The following ZKSCAN8 variants were observed in gnomAD, a reference collection of about 807,000 sequenced individuals.
ZKSCAN8 encodes zinc finger protein with KRAB and SCAN domains 8.
Under a neutral mutation model 57.2 loss-of-function variants are expected in ZKSCAN8, and 27 were observed. The ratio of observed to expected loss-of-function variants is 0.47; its 90% confidence interval spans 0.35 to 0.65. The LOEUF (loss-of-function observed/expected upper bound fraction) is 0.65. Among genes scored for constraint, ZKSCAN8 ranks in the 30% least tolerant of loss-of-function variants. ZKSCAN8 has a pLI of 0.01. For missense variants in ZKSCAN8, 597 were observed against 696.3 expected (o/e 0.86, Z 1.60); for synonymous variants, 214 against 248.7 (o/e 0.86, Z 1.31).
In ZKSCAN8 at chr6:28,158,882, T is replaced by C. The variant is rs1380594703; in HGVS notation, c.*4865T>C. 6.6e-6 allele frequency: 1 copy of C among 152,194 alleles called. No individual in the cohort carries two copies. Among genetic ancestry groups the C allele is most frequent in the East Asian group, 1.9e-4 (1 of 5,194 alleles). 9.4% of individuals were successfully genotyped at this position (152,194 alleles called of 1,614,324 possible). On this transcript the variant is annotated 3_prime_UTR_variant, in exon 6 of 6. Transcript: ENST00000330236. The stretch of plus-strand genomic sequence containing the variant: ...AACACCCATTTTTACAATATCTCTA[T>C]TGTAAAATTTCATTTTCACTAAGTA...
chr6:28,145,141 T>A (rs1302489641), intron 1 of ZKSCAN8, among the ~76,000 whole-genome samples: 1 of 152,168 alleles, frequency 6.6e-6, no homozygotes, highest in Non-Finnish European at 1.5e-5. Flanking sequence ...AAATAATTCT[T>A]TGTGGTGGGG....
chr6:28,149,500 T>C lies in ZKSCAN8; in HGVS notation c.435T>C (p.His145=). 6.2e-7 allele frequency: 1 copy of C among 1,614,014 alleles called. No individual in the cohort carries two copies. Among genetic ancestry groups the C allele is most frequent in the Non-Finnish European group, 8.5e-7 (1 of 1,179,942 alleles). The change falls in exon 3 of 6, where the codon CAT becomes CAC. Residue 145 remains histidine (H), a synonymous_variant. Coordinates refer to ENST00000330236, the MANE Select transcript of ZKSCAN8 (RefSeq NM_006298.4). ...GTTTCCAGGTCTCAGCTCGCGTACA[T>C]GGACATAGGGTACTCTGGGAGGAGG... is the stretch of plus-strand genomic sequence containing the variant. ...ILGRPVSARV[H]GHRVLWEEVV... is the part of the protein sequence containing the mutation.
Position 28,154,049 on chromosome 6 carries a change from C to A in ZKSCAN8, c.*32C>A. 1 of 1,547,956 alleles carries A rather than the reference C, an allele frequency of 6.5e-7. No individual in the cohort carries two copies. The highest frequency in any genetic ancestry group is 1.3e-5 in the South Asian group (1 of 79,120). On this transcript the variant is annotated 3_prime_UTR_variant, in exon 6 of 6. Transcript: ENST00000330236. ...CATCAGTTAGAGTTTGAGCATTATTCAGCATTAGGGAAACCACACACTGGT... is the reference window on the plus strand; with the variant it reads ...CATCAGTTAGAGTTTGAGCATTATTAAGCATTAGGGAAACCACACACTGGT...
In ZKSCAN8 at chr6:28,144,036, A is replaced by G. The variant is rs185073943; in HGVS notation, c.-93+2007A>G. Among the ~76,000 whole-genome samples, 5 of 152,288 alleles carry G rather than the reference A, an allele frequency of 3.3e-5. No individual in the cohort carries two copies. The highest frequency in any genetic ancestry group is 3.3e-4 in the Admixed American group (5 of 15,312). Reference sequence around the variant, plus strand: ...CCTGTAAAGTCATAATCAATGAACTATACCCCCAATGTTAATTGATATATT... The same window carrying G: ...CCTGTAAAGTCATAATCAATGAACTGTACCCCCAATGTTAATTGATATATT... On this transcript the variant is annotated intron_variant, in intron 1 of 5. Transcript: ENST00000330236. This position sits in a 1 kb window ranked among gnomAD's most constrained non-coding sequence, Gnocchi z 4.5.
rs1226912863 is a variant in ZKSCAN8, at chr6:28,154,128, A to C, written c.*111A>C. 1 of 1,457,236 alleles carries C rather than the reference A, an allele frequency of 6.9e-7. No homozygotes were observed. Among genetic ancestry groups the C allele is most frequent in the Non-Finnish European group, 9.1e-7 (1 of 1,098,060 alleles). 90.3% of individuals were successfully genotyped at this position (1,457,236 alleles called of 1,614,324 possible). Reference sequence around the variant, plus strand: ...GAAAGGTCATCACAACTTTAGTGTCAGAATCTATAGTGGTGGCAAAGTTAG... The same window carrying C: ...GAAAGGTCATCACAACTTTAGTGTCCGAATCTATAGTGGTGGCAAAGTTAG... On this transcript the variant is annotated 3_prime_UTR_variant, in exon 6 of 6. Transcript: ENST00000330236.
chr6:28,149,405 T>C (rs1765516492), intron 2 of ZKSCAN8, 78 bp from the exon 3 acceptor site: 2 of 1,560,580 alleles, frequency 1.3e-6, no homozygotes, highest in Admixed American at 1.8e-5. Context: ...TCCCTGTAGA[T>C]GTGTTCGTGG....
At position 28,144,930 on chromosome 6, in the gene ZKSCAN8, G is replaced by A. The variant is rs1402908615; in HGVS notation, c.-93+2901G>A. The stretch of plus-strand genomic sequence containing the variant: ...AAATTAGCCGGGTGTGGTGGAGGGC[G>A]CCTGTAGTCCCAGCTACTCGGGAGG... On this transcript the variant is annotated intron_variant, in intron 1 of 5. Transcript: ENST00000330236. This position sits in a 1 kb window ranked among gnomAD's most constrained non-coding sequence, Gnocchi z 4.5. Among the ~76,000 whole-genome samples the A allele has an allele frequency of 2.0e-5, 3 of 152,270 alleles. No homozygotes were observed. Among genetic ancestry groups the A allele is most frequent in the Admixed American group, 6.5e-5 (1 of 15,304 alleles).
chr6:28,142,916 A>C (rs1287945835), intron 1 of ZKSCAN8, among the ~76,000 whole-genome samples: 1 of 152,230 alleles, frequency 6.6e-6, no homozygotes, highest in Non-Finnish European at 1.5e-5. Flanking sequence ...ATCCTGGAAA[A>C]TGTCTTTTTT....
chr6:28,153,984 C>T lies in ZKSCAN8; in HGVS notation c.1704C>T (p.His568=), dbSNP rs1229732870. The change falls in exon 6 of 6, where the codon CAC becomes CAT. Residue 568 remains histidine, a synonymous_variant. Coordinates refer to ENST00000330236, the MANE Select transcript of ZKSCAN8 (RefSeq NM_006298.4). The part of the protein sequence containing the change: ...RSSLIRHQRI[H]SGEKSESISV ...GTCTCATTCGACATCAGAGAATCCA[C>T]AGTGGTGAAAAATCTGAATCCATAA... 6.2e-7 allele frequency: 1 copy of T among 1,606,402 alleles called. No individual in the cohort carries two copies. The highest frequency in any genetic ancestry group is 1.7e-5 in the Admixed American group (1 of 58,448).
At chr6:28,151,417 T>G (rs1421948751) in intron 3 of ZKSCAN8, among the ~76,000 whole-genome samples, 2 of 151,824 alleles carry the variant, frequency 1.3e-5, no homozygotes, top group East Asian at 1.9e-4. Context: ...CCGTTTAATA[T>G]CTATAGAAAG....
chr6:28,145,324 C>T (rs1178163688), intron 1 of ZKSCAN8, among the ~76,000 whole-genome samples: 1 of 152,058 alleles, frequency 6.6e-6, no homozygotes, highest in Non-Finnish European at 1.5e-5. Context: ...GTAAAGAACT[C>T]TGTAGTAGAA....
intron 1 of ZKSCAN8, 88 bp from the exon 2 acceptor site, chr6:28,148,228 G>A (rs1024035388): frequency 4.7e-5 from 28 of 598,622 alleles, no homozygotes; most frequent in East Asian, 9.0e-5. Context: ...CATGAAGTCC[G>A]TGTCATACTA....
chr6:28,148,885 C>T (rs1285300865), intron 2 of ZKSCAN8, 61 bp downstream of exon 2: 1 of 1,539,928 alleles, frequency 6.5e-7, no homozygotes, highest in South Asian at 1.2e-5. Flanking sequence ...GGTAGAGGGA[C>T]ATAGGCATCA....
intron 3 of ZKSCAN8, 38 bp from the exon 4 acceptor site, chr6:28,151,807 C>T: frequency 6.5e-7 from 1 of 1,544,668 alleles, no homozygotes; most frequent in South Asian, 1.1e-5. Context: ...AACCACAGGA[C>T]AGGACTGGTC....
chr6:28,151,942 T>TTG lies in ZKSCAN8; in HGVS notation c.651+9_651+10dup. The TTG allele has an allele frequency of 1.2e-6, 2 of 1,613,624 alleles. No homozygotes were observed. The highest frequency in any genetic ancestry group is 8.5e-7 in the Non-Finnish European group (1 of 1,179,578). On this transcript the variant is annotated splice_region_variant and intron_variant, in intron 4 of 5. Coordinates refer to ENST00000330236, the MANE Select transcript of ZKSCAN8 (RefSeq NM_006298.4). ...TTCTCACAGCAGGGTTCCAGGTGAG[T>TTG]TGTGCTCCTTCTCACTGAAACGCCA...
rs977670812 is a variant in ZKSCAN8, at chr6:28,144,969, A to AT, written c.-93+2941dup. ...CTACTCGGGAGGCCGAGGCAGGAGA[A>AT]TGGCGTGAACCCGGGAGGCGGAGGT... On this transcript the variant is annotated intron_variant, in intron 1 of 5. Coordinates refer to ENST00000330236, the MANE Select transcript of ZKSCAN8 (RefSeq NM_006298.4). This position sits in a 1 kb window ranked among gnomAD's most constrained non-coding sequence, Gnocchi z 4.5. Among the ~76,000 whole-genome samples, 2 of 152,220 alleles carry AT rather than the reference A, an allele frequency of 1.3e-5. No individual in the cohort carries two copies. The highest frequency in any genetic ancestry group is 4.8e-5 in the African/African-American group (2 of 41,458).
In ZKSCAN8 at chr6:28,158,721, T is replaced by G. The variant is rs963172822; in HGVS notation, c.*4704T>G. The G allele has an allele frequency of 3.9e-5, 6 of 152,114 alleles. No individual in the cohort carries two copies. The highest frequency in any genetic ancestry group is 1.4e-4 in the African/African-American group (6 of 41,422). The allele number at this position is 152,114 out of a possible 1,614,324, so 9.4% of individuals were successfully genotyped here. A position where few individuals can be genotyped will look rare whatever the true frequency, so the allele number is the denominator to read the frequency against. ...TGTAATTCTTTTTTTTCCAATTTCCTTGCTCCCAGGATCCCCATCTTGTAT... is the reference window on the plus strand; with the variant it reads ...TGTAATTCTTTTTTTTCCAATTTCCGTGCTCCCAGGATCCCCATCTTGTAT... On this transcript the variant is annotated 3_prime_UTR_variant, in exon 6 of 6. Coordinates refer to ENST00000330236, the MANE Select transcript of ZKSCAN8 (RefSeq NM_006298.4).
rs549898946 is a variant in ZKSCAN8, at chr6:28,157,315, C to T, written c.*3298C>T. ...ATTACCTCCCACTTGGTCCCACCCA[C>T]GACACGTGGGAATTGTGGGAGCTAC... On this transcript the variant is annotated 3_prime_UTR_variant, in exon 6 of 6. Transcript: ENST00000330236. The T allele has an allele frequency of 1.1e-4, 16 of 152,272 alleles. No individual in the cohort carries two copies. Among genetic ancestry groups the T allele is most frequent in the African/African-American group, 3.1e-4 (13 of 41,540 alleles). The allele number at this position is 152,272 out of a possible 1,614,324, so 9.4% of individuals were successfully genotyped here.
At position 28,149,639 on chromosome 6, in the gene ZKSCAN8, T is replaced by G; in HGVS notation, c.559+15T>G. The G allele has an allele frequency of 6.2e-7, 1 of 1,613,276 alleles. No homozygotes were observed. The highest frequency in any genetic ancestry group is 8.5e-7 in the Non-Finnish European group (1 of 1,179,658). On this transcript the variant is annotated intron_variant, in intron 3 of 5. Transcript: ENST00000330236. ...ACAAGAGAGAGGTGAGTAGCCAGAT[T>G]TCATTGATGATAAGGGGGGGAAGTA... is the stretch of plus-strand genomic sequence containing the variant.
Sources: gnomAD v4.1 joint callset for allele counts (sites outside exome capture counted in the v4.1 genomes callset) on GRCh38, gnomAD v4.1.1 for gene constraint, Gnocchi (gnomAD v3.1) non-coding constraint, MANE v1.5 for transcripts, NCBI Gene and HGNC (gene_info 2026-07-23, HGNC 2026-07-21) for gene names.